CTH: variants seen among roughly 807,000 people sequenced by gnomAD.
The protein encoded by CTH is cystathionine gamma-lyase.
In CTH, 41 loss-of-function variants were observed where a neutral mutation model predicts 50.6. That is an observed-to-expected ratio of 0.81 (90% CI 0.63 to 1.05). The LOEUF (loss-of-function observed/expected upper bound fraction) is 1.05. Ranked by LOEUF, CTH falls within the 50% of genes least tolerant of loss-of-function variation. The pLI, the probability that CTH is intolerant of heterozygous loss-of-function variation, is 0.00. For synonymous variants in CTH, 156 were observed against 168.9 expected (o/e 0.92, Z 0.59); for missense variants, 470 against 492.6 (o/e 0.95, Z 0.43).
intron 8 of CTH, 59 bp from the exon 9 acceptor site, chr1:70,433,769 C>A: frequency 1.2e-6 from 2 of 1,609,268 alleles, no homozygotes; most frequent in South Asian, 1.1e-5. Context: ...ACCACCCTCC[C>A]CCCCCAAAAA....
intron 4 of CTH, among the ~76,000 whole-genome samples, chr1:70,423,381 G>A (rs1684270032): frequency 6.6e-6 from 1 of 150,538 alleles, no homozygotes; most frequent in African/African-American, 2.4e-5. Flanking sequence ...GATATATAGC[G>A]AGACCCTTTC....
In CTH at chr1:70,432,354, A is replaced by G. The variant is rs1216508703; in HGVS notation, c.877+119A>G. 3.3e-6 allele frequency: 4 copies of G among 1,228,150 alleles called. No individual in the cohort carries two copies. In the South Asian group the frequency reaches 3.9e-5, roughly 12 times the overall value. 76.1% of individuals were successfully genotyped at this position (1,228,150 alleles called of 1,614,324 possible). Reference sequence around the variant, plus strand: ...TTTCACGTATTGTTTTTGTTCATTTATTATTGAGCACTGCCATGTGTCAGG... The same window carrying G: ...TTTCACGTATTGTTTTTGTTCATTTGTTATTGAGCACTGCCATGTGTCAGG... On this transcript the variant is annotated intron_variant, in intron 8 of 11. Coordinates refer to ENST00000370938, the MANE Select transcript of CTH (RefSeq NM_001902.6).
At chr1:70,431,516 C>T (rs72680736) in intron 7 of CTH, among the ~76,000 whole-genome samples, 1,640 of 152,246 alleles carry the variant, frequency 0.011, 19 homozygotes, top group Non-Finnish European at 0.017. Context: ...GCCATTGTAA[C>T]TTGACAGGTA....
chr1:70,421,972 C>A lies in CTH; in HGVS notation c.456+297C>A, dbSNP rs549072073. On this transcript the variant is annotated intron_variant, in intron 4 of 11. Transcript: ENST00000370938. ...ATTTGCAAAATGGAGATAATTATAC[C>A]GGTTTTATAGAAACGGGAGTGTGAG... 2.0e-5 allele frequency among the ~76,000 whole-genome samples: 3 copies of A among 152,042 alleles called. No homozygotes were observed. The East Asian group carries it at 5.8e-4, about 29-fold the overall frequency.
chr1:70,411,310 AGCTCCT>A lies in CTH; in HGVS notation c.-105_-100del. 8.7e-7 allele frequency: 1 copy of A among 1,153,862 alleles called. No individual in the cohort carries two copies. Among genetic ancestry groups the A allele is most frequent in the Non-Finnish European group, 1.3e-6 (1 of 760,726 alleles). The allele number at this position is 1,153,862 out of a possible 1,614,324, so 71.5% of individuals were successfully genotyped here. A position where few individuals can be genotyped will look rare whatever the true frequency, so the allele number is the denominator to read the frequency against. On this transcript the variant is annotated 5_prime_UTR_variant, in exon 1 of 12. Transcript: ENST00000370938. ...GCCGTCGGCTCTACCTGCGTGCTTT[AGCTCCT>A]TCTCGCCTGATCCTTCTGTCTCTCC...
intron 5 of CTH, among the ~76,000 whole-genome samples, 172 bp downstream of exon 5, chr1:70,424,588 T>C (rs192715366): frequency 6.6e-6 from 1 of 152,352 alleles, no homozygotes; most frequent in Admixed American, 6.5e-5. Flanking sequence ...TTAGTTAATA[T>C]CTTTTCAAAC....
At chr1:70,433,768 C>G in intron 8 of CTH, 60 bp from the exon 9 acceptor site, 1 of 1,608,700 alleles carries the variant, frequency 6.2e-7, no homozygotes, top group African/African-American at 1.3e-5. Flanking sequence ...TACCACCCTC[C>G]CCCCCCAAAA....
At chr1:70,424,459 T>C (rs1684301631) in intron 5 of CTH, 43 bp downstream of exon 5, 2 of 1,611,900 alleles carry the variant, frequency 1.2e-6, no homozygotes, top group Non-Finnish European at 1.7e-6. Flanking sequence ...GTAGACCACA[T>C]ATATCTGTAA....
chr1:70,422,886 A>G (rs1165497066), intron 4 of CTH, among the ~76,000 whole-genome samples: 2 of 152,144 alleles, frequency 1.3e-5, no homozygotes, highest in East Asian at 3.8e-4. Context: ...CTGCGATTAC[A>G]GGCATGAGCC....
At chr1:70,412,868 A>T (rs908063524) in intron 1 of CTH, among the ~76,000 whole-genome samples, 2 of 152,334 alleles carry the variant, frequency 1.3e-5, no homozygotes, top group Middle Eastern at 3.4e-3. Flanking sequence ...TGATCCTCAC[A>T]ACAACCAGGT....
chr1:70,430,513 T>C (rs1684441711), intron 7 of CTH, 119 bp downstream of exon 7: 3 of 625,622 alleles, frequency 4.8e-6, no homozygotes, highest in South Asian at 2.0e-5. Context: ...AAATGAAAAA[T>C]AGAGGAGAAA....
chr1:70,424,300 AC>A lies in CTH; in HGVS notation c.477del (p.Thr160GlnfsTer7), dbSNP rs752200472. Reference protein sequence around the residue: ...TPETKLVWIETPTNPTQKVID... With the variant: ...TPETKLVWIEXPTNPTQKVID... ...ATTATTTTAGCTTGTTTGGATCGAA[AC>A]CCCCACAAACCCCACCCAGAAGGTG... On this transcript the variant is annotated frameshift_variant, in exon 5 of 12. Coordinates refer to ENST00000370938, the MANE Select transcript of CTH (RefSeq NM_001902.6). LOFTEE classifies it high-confidence loss of function. The A allele has an allele frequency of 6.2e-7, 1 of 1,613,922 alleles. No homozygotes were observed. The highest frequency in any genetic ancestry group is 1.3e-5 in the African/African-American group (1 of 74,898).
intron 5 of CTH, among the ~76,000 whole-genome samples, chr1:70,427,337 C>G (rs1364337861): frequency 1.3e-5 from 2 of 152,038 alleles, no homozygotes; most frequent in Non-Finnish European, 2.9e-5. Context: ...TTCTTAGTCC[C>G]CTTTCCTCAC....
intron 10 of CTH, among the ~76,000 whole-genome samples, chr1:70,437,284 G>T (rs1684618466): frequency 6.6e-6 from 1 of 152,148 alleles, no homozygotes; most frequent in Admixed American, 6.5e-5. Context: ...CACCTACTAT[G>T]AACTATTATC....
chr1:70,424,665 G>A (rs1030120984), intron 5 of CTH, among the ~76,000 whole-genome samples: 1 of 152,312 alleles, frequency 6.6e-6, no homozygotes, highest in East Asian at 1.9e-4. Context: ...TCTCAGGGCT[G>A]TGCGTGGTGG....
chr1:70,422,813 T>C (rs1684255213), intron 4 of CTH, among the ~76,000 whole-genome samples: 1 of 152,100 alleles, frequency 6.6e-6, no homozygotes, highest in South Asian at 2.1e-4. Flanking sequence ...GGTTTCACCT[T>C]GTTGGCCAGG....
Position 70,425,188 on chromosome 1 carries a change from C to G in CTH, c.588+772C>G, listed in dbSNP as rs191820276. Among the ~76,000 whole-genome samples the G allele has an allele frequency of 1.7e-3, 256 of 152,254 alleles. 1 individual carries two copies. In the Middle Eastern group the frequency reaches 0.027, roughly 16 times the overall value. The stretch of plus-strand genomic sequence containing the variant: ...TTTTATTCCTTCAGCACTCCATATA[C>G]TATGCCTAGATCTCTTTAACTTATT... On this transcript the variant is annotated intron_variant, in intron 5 of 11. Coordinates refer to ENST00000370938, the MANE Select transcript of CTH (RefSeq NM_001902.6).
intron 10 of CTH, among the ~76,000 whole-genome samples, chr1:70,435,585 T>C (rs1684580756): frequency 6.6e-6 from 1 of 151,874 alleles, no homozygotes. Context: ...AACTCCTCCA[T>C]GCCCTTGATT....
chr1:70,415,881 A>T (rs1023941586), intron 1 of CTH, 75 bp from the exon 2 acceptor site: 4 of 829,012 alleles, frequency 4.8e-6, no homozygotes, highest in Non-Finnish European at 6.4e-6. Context: ...GTAGGGTGAA[A>T]CTATAGTTCT....
Sources: allele counts gnomAD v4.1 joint callset (sites outside exome capture counted in the v4.1 genomes callset), GRCh38; gene constraint gnomAD v4.1.1; transcripts MANE v1.5; gene names NCBI Gene and HGNC (gene_info 2026-07-23, HGNC 2026-07-21).